Variants in MPC1 observed in about 807,000 individuals in gnomAD.
The protein encoded by MPC1 is mitochondrial pyruvate carrier 1, also known as HSPC040 protein.
Under a neutral mutation model 13.9 loss-of-function variants are expected in MPC1, and 6 were observed. The observed-to-expected ratio is 0.43, with a 90% confidence interval of 0.24 to 0.85. The LOEUF is 0.85. Ranked by LOEUF, MPC1 falls within the 40% of genes least tolerant of loss-of-function variation. The pLI is 0.24. For missense variants in MPC1, 115 were observed against 143.3 expected (o/e 0.80, Z 1.01); for synonymous variants, 47 against 50.5 (o/e 0.93, Z 0.29).
At chr6:166,371,310 G>A (rs1248433397) in intron 1 of MPC1, among the ~76,000 whole-genome samples, 2 of 152,178 alleles carry the variant, frequency 1.3e-5, no homozygotes, top group South Asian at 2.1e-4. Context: ...TTTATTGAAT[G>A]AATGAATGAA....
At chr6:166,377,822 C>T (rs1779624868) in intron 1 of MPC1, among the ~76,000 whole-genome samples, 1 of 152,160 alleles carries the variant, frequency 6.6e-6, no homozygotes, top group South Asian at 2.1e-4. Flanking sequence ...TTCTTATGGC[C>T]AGTCCTGCTT....
chr6:166,381,747 A>T, intron 1 of MPC1: 7 of 911,758 alleles, frequency 7.7e-6, no homozygotes, highest in Non-Finnish European at 9.2e-6. Flanking sequence ...AGGAGGAGTT[A>T]ACAGAAAATA....
chr6:166,365,309 T>C lies in MPC1; in HGVS notation c.*120A>G, dbSNP rs762805358. On this transcript the variant is annotated 3_prime_UTR_variant, in exon 5 of 5. Transcript: ENST00000360961. This position sits in a 1 kb window ranked among gnomAD's most constrained non-coding sequence, Gnocchi z 4.2. ...CTCAGCTATTTCTATAAAAATAGAA[T>C]GGTTAGTAAAAATAGCATTCAGTGT... 2.9e-5 allele frequency: 22 copies of C among 752,120 alleles called. No individual in the cohort carries two copies. Among genetic ancestry groups the C allele is most frequent in the Non-Finnish European group, 4.2e-5 (22 of 517,990 alleles). The allele number at this position is 752,120 out of a possible 1,614,324, so 46.6% of individuals were successfully genotyped here. A position where few individuals can be genotyped will look rare whatever the true frequency, so the allele number is the denominator to read the frequency against.
At chr6:166,381,764 G>A in intron 1 of MPC1, 10 of 966,168 alleles carry the variant, frequency 1.0e-5, no homozygotes, top group Non-Finnish European at 1.2e-5. Context: ...AATAGAACAA[G>A]AAGAAAAAGT....
intron 1 of MPC1, among the ~76,000 whole-genome samples, chr6:166,382,229 C>T (rs1397372366): frequency 6.6e-6 from 1 of 152,138 alleles, no homozygotes; most frequent in Non-Finnish European, 1.5e-5. Flanking sequence ...CGCCCACTGT[C>T]ACCCCTGCCG....
At chr6:166,366,254 G>A in intron 3 of MPC1, 148 bp from the exon 4 acceptor site, 2 of 871,960 alleles carry the variant, frequency 2.3e-6, no homozygotes, top group Non-Finnish European at 3.2e-6. Context: ...TTACTTAAAT[G>A]CCTGTATCAA....
intron 1 of MPC1, among the ~76,000 whole-genome samples, chr6:166,372,797 G>T (rs183709337): frequency 6.6e-6 from 1 of 151,696 alleles, no homozygotes; most frequent in East Asian, 1.9e-4. Context: ...GCAATTTGGG[G>T]ACAGTAATGC....
At chr6:166,382,784 T>C in intron 1 of MPC1, 22 bp downstream of exon 1, 2 of 1,571,542 alleles carry the variant, frequency 1.3e-6, no homozygotes, top group Non-Finnish European at 1.7e-6. Flanking sequence ...GGTTGCGGGG[T>C]TCGGCCTGCG....
intron 2 of MPC1, among the ~76,000 whole-genome samples, chr6:166,368,557 GAAAAAAAAAAA>G (rs11370568): frequency 1.7e-4 from 19 of 114,292 alleles, no homozygotes; most frequent in Middle Eastern, 4.8e-3. Context: ...CCGTCTCAGG[GAAAAAAAAAAA>G]AAAAAAAAGA....
intron 2 of MPC1, chr6:166,368,643 A>T: frequency 2.5e-6 from 1 of 392,876 alleles, no homozygotes; most frequent in Non-Finnish European, 3.5e-6. Context: ...TTAATTTCTT[A>T]CATTTAGATG....
intron 1 of MPC1, among the ~76,000 whole-genome samples, chr6:166,379,448 C>T (rs1251614136): frequency 6.6e-6 from 1 of 152,170 alleles, no homozygotes; most frequent in Non-Finnish European, 1.5e-5. Flanking sequence ...GAGCTATGAT[C>T]ATGCCATTGC....
intron 1 of MPC1, chr6:166,381,824 T>C: frequency 2.8e-5 from 28 of 984,042 alleles, no homozygotes; most frequent in Non-Finnish European, 3.4e-5. Context: ...ATTTCGTATA[T>C]AAAAACATCT....
At chr6:166,368,684 C>A in intron 2 of MPC1, 1 of 888,842 alleles carries the variant, frequency 1.1e-6, no homozygotes, top group Non-Finnish European at 1.3e-6. Context: ...TTTCCTTATT[C>A]CCCAGACTTT....
chr6:166,380,178 C>T (rs1463238130), intron 1 of MPC1, among the ~76,000 whole-genome samples: 1 of 152,204 alleles, frequency 6.6e-6, no homozygotes, highest in Admixed American at 6.5e-5. Context: ...AATGTTTTCG[C>T]TTGCAAAAAC....
chr6:166,382,721 C>T, intron 1 of MPC1, 85 bp downstream of exon 1: 7 of 1,391,258 alleles, frequency 5.0e-6, no homozygotes, highest in Non-Finnish European at 6.7e-6. Flanking sequence ...CGCGTCCTCG[C>T]GGCCGCCCTC....
intron 3 of MPC1, 117 bp downstream of exon 3, chr6:166,366,678 C>T: frequency 4.3e-6 from 4 of 935,388 alleles, no homozygotes; most frequent in Non-Finnish European, 6.7e-6. Flanking sequence ...CATGCCATCA[C>T]ATTCTGTATG....
Position 166,366,897 on chromosome 6 carries a change from A to G in MPC1, c.76-6T>C. 2 of 1,614,050 alleles carry G rather than the reference A, an allele frequency of 1.2e-6. No homozygotes were observed. Among genetic ancestry groups the G allele is most frequent in the South Asian group, 2.2e-5 (2 of 91,084 alleles). ...GCTACTGGGCCCCAGAAGTGCTACAAAAAATGAGAGGAAAAGAATGAAGAG... is the reference window on the plus strand; with the variant it reads ...GCTACTGGGCCCCAGAAGTGCTACAGAAAATGAGAGGAAAAGAATGAAGAG... On this transcript the variant is annotated splice_polypyrimidine_tract_variant and splice_region_variant and intron_variant, in intron 2 of 4. Transcript: ENST00000360961.
intron 2 of MPC1, chr6:166,369,984 A>G: frequency 1.5e-6 from 1 of 683,106 alleles, no homozygotes; most frequent in Non-Finnish European, 2.7e-6. Flanking sequence ...TGAAGTAATT[A>G]TATGCTTGTT....
intron 1 of MPC1, among the ~76,000 whole-genome samples, chr6:166,371,455 A>C (rs1297554830): frequency 6.6e-6 from 1 of 152,210 alleles, no homozygotes; most frequent in East Asian, 1.9e-4. Context: ...TTAGGGCAAA[A>C]TCTCAAAGTT....
Sources: allele counts gnomAD v4.1 joint callset (sites outside exome capture counted in the v4.1 genomes callset), GRCh38; gene constraint gnomAD v4.1.1; non-coding constraint Gnocchi (gnomAD v3.1); transcripts MANE v1.5; gene names NCBI Gene and HGNC (gene_info 2026-07-23, HGNC 2026-07-21).